The following BDNF variants were observed in gnomAD, a reference collection of about 807,000 sequenced individuals.
BDNF encodes brain derived neurotrophic factor.
BDNF carries 1 observed loss-of-function variant against 19.5 expected under a neutral mutation model. The ratio of observed to expected loss-of-function variants is 0.05; its 90% CI spans 0.02 to 0.24. The LOEUF (loss-of-function observed/expected upper bound fraction) is 0.24. Among genes scored for constraint, BDNF ranks in the 10% least tolerant of loss-of-function variants. The pLI, the probability that BDNF is intolerant of heterozygous loss-of-function variation, is 1.00. For missense variants in BDNF, 195 were observed against 317.6 expected (o/e 0.61, Z 2.93); for synonymous variants, 100 against 121.6 (o/e 0.82, Z 1.17).
intron 1 of BDNF, among the ~76,000 whole-genome samples, chr11:27,686,894 C>T (rs930597016): frequency 6.6e-6 from 1 of 152,042 alleles, no homozygotes; most frequent in African/African-American, 2.4e-5. Flanking sequence ...TGGGTTTGCT[C>T]TTCTTGAGGG....
At chr11:27,679,158 T>A (rs914342945) in intron 1 of BDNF, among the ~76,000 whole-genome samples, 22 of 152,142 alleles carry the variant, frequency 1.4e-4, no homozygotes, top group Admixed American at 6.5e-5. Flanking sequence ...CTCCTGGACC[T>A]CCTCTTAATG....
intron 1 of BDNF, among the ~76,000 whole-genome samples, chr11:27,692,462 C>T (rs1858422652): frequency 6.6e-6 from 1 of 152,166 alleles, no homozygotes; most frequent in Non-Finnish European, 1.5e-5. Context: ...CTGCCTCAGC[C>T]TCCCAAGTAG....
At chr11:27,721,277 T>C in intron 1 of BDNF, 5 of 1,051,904 alleles carry the variant, frequency 4.8e-6, no homozygotes, top group Non-Finnish European at 7.4e-6. Flanking sequence ...TTGCACTGTG[T>C]AAAAACCCGA....
chr11:27,690,882 T>G (rs974689054), intron 1 of BDNF, among the ~76,000 whole-genome samples: 3 of 151,478 alleles, frequency 2.0e-5, no homozygotes, highest in Non-Finnish European at 4.4e-5. Context: ...AAAAGACCCA[T>G]GCATATCCTT....
chr11:27,706,992 A>C (rs2030323), intron 1 of BDNF, among the ~76,000 whole-genome samples: 125,034 of 152,184 alleles, frequency 0.82, 52,083 homozygotes, highest in African/African-American at 0.94. Context: ...TCTGTACTCC[A>C]TTTAAAATCC....
At chr11:27,699,720 C>T (rs1282622047) in intron 1 of BDNF, 6 of 1,376,000 alleles carry the variant, frequency 4.4e-6, no homozygotes, top group African/African-American at 1.5e-5. Flanking sequence ...CTCCCACTCC[C>T]CCCGCAAGTC....
Position 27,657,953 on chromosome 11 carries a change from CCAA to C in BDNF, c.609_611del (p.His203_Trp204delinsGln). The C allele has an allele frequency of 6.2e-7, 1 of 1,614,128 alleles. No homozygotes were observed. The highest frequency in any genetic ancestry group is 8.5e-7 in the Non-Finnish European group (1 of 1,180,024). On this transcript the variant is annotated inframe_deletion, in exon 2 of 2. Transcript: ENST00000356660. This position sits in a 1 kb window ranked among gnomAD's most constrained non-coding sequence, Gnocchi z 5.0. ...ACTGGGTAGTTCGGCACTGGGAGTTCCAATGCCTTTTGTCTATGCCCCTGCAGC... is the reference window on the plus strand; with the variant it reads ...ACTGGGTAGTTCGGCACTGGGAGTTCTGCCTTTTGTCTATGCCCCTGCAGC...
upstream of BDNF, chr11:27,700,520 G>GGGGC: frequency 2.7e-6 from 2 of 735,114 alleles, no homozygotes; most frequent in Non-Finnish European, 3.1e-6. Context: ...AAACGGCGCC[G>GGGGC]CCCCCCCCCC....
At position 27,658,705 on chromosome 11, in the gene BDNF, TCTTGGTGATAAACTCCAG is replaced by T; in HGVS notation, c.-21-138_-21-121del. 6.3e-7 allele frequency: 1 copy of T among 1,582,170 alleles called. No individual in the cohort carries two copies. The highest frequency in any genetic ancestry group is 1.1e-5 in the South Asian group (1 of 86,970). On this transcript the variant is annotated intron_variant, in intron 1 of 1. Coordinates refer to ENST00000356660, the MANE Select transcript of BDNF (RefSeq NM_001709.5). The surrounding 1 kb of genome is among the most constrained non-coding windows in gnomAD (Gnocchi z 5.7). ...TCTGCAGGGTCAAGGTTTTTTTATG[TCTTGGTGATAAACTCCAG>T]CTGCACCAGACACAAATCAGTGTCA... is the stretch of plus-strand genomic sequence containing the variant.
intron 1 of BDNF, among the ~76,000 whole-genome samples, chr11:27,665,690 C>T (rs557826434): frequency 1.3e-5 from 2 of 152,176 alleles, no homozygotes; most frequent in South Asian, 2.1e-4. Flanking sequence ...AGTCTGAGAT[C>T]GAACTGCAAA....
Position 27,657,061 on chromosome 11 carries a change from G to C in BDNF, c.*760C>G, listed in dbSNP as rs1367369336. Reference sequence around the variant, plus strand: ...GAGCGGGGCCTGGGAGGTGCATCACGGGATGTGGAGTGTGAGCATTTTTTT... The same window carrying C: ...GAGCGGGGCCTGGGAGGTGCATCACCGGATGTGGAGTGTGAGCATTTTTTT... On this transcript the variant is annotated 3_prime_UTR_variant, in exon 2 of 2. Transcript: ENST00000356660. The surrounding 1 kb of genome is among the most constrained non-coding windows in gnomAD (Gnocchi z 5.0). The C allele has an allele frequency of 3.0e-6, 3 of 985,368 alleles. No individual in the cohort carries two copies. Among genetic ancestry groups the C allele is most frequent in the East Asian group, 1.1e-4 (1 of 8,824 alleles). 61.0% of individuals were successfully genotyped at this position (985,368 alleles called of 1,614,324 possible). A position where few individuals can be genotyped will look rare whatever the true frequency, so the allele number is the denominator to read the frequency against.
intron 1 of BDNF, chr11:27,659,499 T>G: frequency 1.0e-6 from 1 of 1,000,360 alleles, no homozygotes; most frequent in Non-Finnish European, 1.2e-6. Context: ...CCATTTCAAA[T>G]GCCTCCCATA....
chr11:27,686,073 G>A (rs552434726), intron 1 of BDNF, among the ~76,000 whole-genome samples: 1 of 152,256 alleles, frequency 6.6e-6, no homozygotes, highest in African/African-American at 2.4e-5. Context: ...ATGAATCTGG[G>A]TGCTCCTGTA....
chr11:27,702,720 C>T (rs1859958599), upstream of BDNF, among the ~76,000 whole-genome samples: 1 of 152,136 alleles, frequency 6.6e-6, no homozygotes, highest in Non-Finnish European at 1.5e-5. Context: ...AATTCACTAA[C>T]ATTAGCTATT....
At chr11:27,694,967 AT>A (rs746201988) in intron 1 of BDNF, among the ~76,000 whole-genome samples, 17 of 152,214 alleles carry the variant, frequency 1.1e-4, no homozygotes, top group Non-Finnish European at 2.2e-4. Flanking sequence ...CTGGCATGCT[AT>A]TCTACATTTG....
rs374771998 is a variant in BDNF, at chr11:27,721,368, T to C, written c.3+44A>G. ...GTGATATGCCCGTTGTTAAGCAACATGTCAAGATTTTTCAATTATAATGCA... is the reference window on the plus strand; with the variant it reads ...GTGATATGCCCGTTGTTAAGCAACACGTCAAGATTTTTCAATTATAATGCA... On this transcript the variant is annotated intron_variant, in intron 1 of 1. Coordinates refer to the BDNF transcript ENST00000314915. The C allele has an allele frequency of 9.9e-6, 16 of 1,610,906 alleles. No individual in the cohort carries two copies. The Admixed American group carries it at 2.5e-4, about 25-fold the overall frequency.
chr11:27,707,424 A>G (rs1860154536), intron 1 of BDNF, among the ~76,000 whole-genome samples: 1 of 152,212 alleles, frequency 6.6e-6, no homozygotes, highest in Non-Finnish European at 1.5e-5. Flanking sequence ...ATATAGAATA[A>G]AGTTAGCACT....
chr11:27,685,075 G>A (rs576198684), intron 1 of BDNF, among the ~76,000 whole-genome samples: 1 of 152,146 alleles, frequency 6.6e-6, no homozygotes, highest in Non-Finnish European at 1.5e-5. Context: ...CTCGATTTCA[G>A]AACTTATTAT....
At chr11:27,707,877 A>ATAAGG (rs1860172634) in intron 1 of BDNF, among the ~76,000 whole-genome samples, 1 of 152,088 alleles carries the variant, frequency 6.6e-6, no homozygotes, top group Non-Finnish European at 1.5e-5. Flanking sequence ...GTGAGGTACT[A>ATAAGG]TACGGCTAGA....
Sources: allele counts gnomAD v4.1 joint callset (sites outside exome capture counted in the v4.1 genomes callset), GRCh38; gene constraint gnomAD v4.1.1; non-coding constraint Gnocchi (gnomAD v3.1); transcripts MANE v1.5; gene names NCBI Gene and HGNC (gene_info 2026-07-23, HGNC 2026-07-21).